PCDHGA7: variants seen among roughly 807,000 people sequenced by gnomAD.
The protein encoded by PCDHGA7 is protocadherin gamma-A7.
PCDHGA7 carries 44 observed loss-of-function variants against 58.3 expected under a neutral mutation model. The ratio of observed to expected loss-of-function variants is 0.75; its 90% CI spans 0.59 to 0.97. The LOEUF is 0.97. Among genes scored for constraint, PCDHGA7 ranks in the 50% least tolerant of loss-of-function variants. The pLI, the probability that PCDHGA7 is intolerant of heterozygous loss-of-function variation, is 0.00. For synonymous variants in PCDHGA7, 516 were observed against 504.2 expected, an observed-to-expected ratio of 1.02 and a Z score of -0.31; for missense variants, 1,266 against 1,188.7, an observed-to-expected ratio of 1.06 and a Z score of -0.96.
chr5:141,436,921 C>T lies in PCDHGA7; in HGVS notation c.2424+51598C>T, dbSNP rs73794904. Among the ~76,000 whole-genome samples the T allele has an allele frequency of 9.3e-3, 1,413 of 152,246 alleles. 25 individuals carry two copies. The highest frequency in any genetic ancestry group is 0.032 in the African/African-American group (1,313 of 41,572). On this transcript the variant is annotated intron_variant, in intron 1 of 3. Coordinates refer to ENST00000518325, the MANE Select transcript of PCDHGA7 (RefSeq NM_018920.4). ...ATATGAGACAATTTTGTGAGTGTTA[C>T]TTTTTCTTTGTCTGAACCATAGTGA...
Position 141,485,605 on chromosome 5 carries a change from G to A in PCDHGA7, c.2425-9202G>A. On this transcript the variant is annotated intron_variant, in intron 1 of 3. Transcript: ENST00000518325. This position sits in a 1 kb window ranked among gnomAD's most constrained non-coding sequence, Gnocchi z 5.7. The stretch of plus-strand genomic sequence containing the variant: ...AGCAGCTGGACTTGGAAATTGGGGA[G>A]GCAGCTCCTCCAGGACAGCGTTTCC... 6.2e-7 allele frequency: 1 copy of A among 1,612,448 alleles called. No homozygotes were observed. Among genetic ancestry groups the A allele is most frequent in the Non-Finnish European group, 8.5e-7 (1 of 1,178,750 alleles).
chr5:141,490,652 C>A lies in PCDHGA7; in HGVS notation c.2425-4155C>A. ...ATCCTAGAAAACCGGCCTCCGGGCT[C>A]CCTTCTTTGCACTGTGGCTGCCTCA... On this transcript the variant is annotated intron_variant, in intron 1 of 3. Transcript: ENST00000518325. The surrounding 1 kb of genome is among the most constrained non-coding windows in gnomAD (Gnocchi z 5.4). 6.2e-7 allele frequency: 1 copy of A among 1,614,208 alleles called. No individual in the cohort carries two copies. Among genetic ancestry groups the A allele is most frequent in the Non-Finnish European group, 8.5e-7 (1 of 1,180,026 alleles).
intron 1 of PCDHGA7, among the ~76,000 whole-genome samples, chr5:141,452,353 AG>A (rs556616398): frequency 5.9e-5 from 9 of 152,206 alleles, no homozygotes; most frequent in Non-Finnish European, 1.3e-4. Context: ...TTTATCCAAA[AG>A]CCTTGCTTCA....
At chr5:141,438,487 G>T (rs1030201971) in intron 1 of PCDHGA7, among the ~76,000 whole-genome samples, 9 of 150,284 alleles carry the variant, frequency 6.0e-5, no homozygotes, top group African/African-American at 2.2e-4. Flanking sequence ...GTCTCTTGGA[G>T]AAAAAAGAAT....
At position 141,383,860 on chromosome 5, in the gene PCDHGA7, G is replaced by T. The variant is rs772168555; in HGVS notation, c.961G>T (p.Ala321Ser). The T allele has an allele frequency of 6.8e-6, 11 of 1,613,926 alleles. No individual in the cohort carries two copies. The highest frequency in any genetic ancestry group is 9.3e-6 in the Non-Finnish European group (11 of 1,179,868). Reference protein sequence around the residue: ...ETAFYEMEVQAQDGPGSLTKA... With the variant: ...ETAFYEMEVQSQDGPGSLTKA... ...TGCCTTCTATGAAATGGAGGTTCAG[G>T]CTCAAGATGGTCCTGGTAGTCTGAC... The change falls in exon 1 of 4, where the codon GCT becomes TCT. Residue 321 changes from alanine (A) to serine (S), a missense_variant. Physicochemically the swap from Ala to Ser is moderately conservative, Grantham distance 99. Transcript: ENST00000518325.
In PCDHGA7 at chr5:141,384,916, G is replaced by T. The variant is rs1215010105; in HGVS notation, c.2017G>T (p.Ala673Ser). The T allele has an allele frequency of 1.2e-6, 2 of 1,613,886 alleles. No individual in the cohort carries two copies. Among genetic ancestry groups the T allele is most frequent in the Non-Finnish European group, 1.7e-6 (2 of 1,180,038 alleles). ...GGCTGACAGCATCCCCGAAGTCTTG[G>T]CCGACCTGGGCAGCCTTGAGCCCTC... ...AVADSIPEVL[A>S]DLGSLEPSDG... Residue 673 changes from alanine to serine, a missense_variant, in exon 1 of 4, where the codon GCC (alanine) becomes TCC (serine). Physicochemically the swap from Ala to Ser is moderately conservative, Grantham distance 99 (BLOSUM62 1). Transcript: ENST00000518325.
rs1779091849 is a variant in PCDHGA7 at position 141,383,385 on chromosome 5, G to T, written c.486G>T (p.Val162=). 2.5e-6 allele frequency: 4 copies of T among 1,613,960 alleles called. No individual in the cohort carries two copies. Among genetic ancestry groups the T allele is most frequent in the Non-Finnish European group, 3.4e-6 (4 of 1,179,890 alleles). ...FPLSEAGDPD[V]GTNSLQSYQL... The stretch of plus-strand genomic sequence containing the variant: ...TAAGCGAGGCTGGGGATCCAGATGT[G>T]GGCACGAACTCCCTCCAGAGTTACC... The change falls in exon 1 of 4, where the codon GTG becomes GTT. Residue 162 remains valine, a synonymous_variant. Transcript: ENST00000518325.
intron 1 of PCDHGA7, among the ~76,000 whole-genome samples, chr5:141,466,704 T>C (rs1175063183): frequency 6.6e-6 from 1 of 152,202 alleles, no homozygotes; most frequent in Admixed American, 6.5e-5. Context: ...AAATTTGATG[T>C]CTGTTCTTGT....
At chr5:141,409,587 C>G (rs13184186) in intron 1 of PCDHGA7, 1 of 1,613,902 alleles carries the variant, frequency 6.2e-7, no homozygotes, top group Non-Finnish European at 8.5e-7. Context: ...GTCCACGTGG[C>G]CGAGAACAAC....
At chr5:141,415,740 G>GTTTTTTT (rs57426385) in intron 1 of PCDHGA7, 164 of 624,990 alleles carry the variant, frequency 2.6e-4, no homozygotes, top group African/African-American at 5.0e-4. Flanking sequence ...GTTTATTAAG[G>GTTTTTTT]TTTTTTTTTT....
chr5:141,405,471 A>C, intron 1 of PCDHGA7: 6 of 1,084,370 alleles, frequency 5.5e-6, no homozygotes, highest in Non-Finnish European at 7.9e-6. Context: ...CCAGGCTGGA[A>C]TGCAGTGGTG....
In PCDHGA7 at chr5:141,382,968, CT is replaced by C. The variant is rs774014579; in HGVS notation, c.70del (p.Trp24GlyfsTer54). 1.6e-5 allele frequency: 26 copies of C among 1,609,208 alleles called. No homozygotes were observed. The highest frequency in any genetic ancestry group is 8.4e-5 in the Admixed American group (5 of 59,818). On this transcript the variant is annotated frameshift_variant, in exon 1 of 4. Coordinates refer to ENST00000518325, the MANE Select transcript of PCDHGA7 (RefSeq NM_018920.4). LOFTEE classifies it high-confidence loss of function. ...TGCTCTCCATCCTCCTGGGGACCCCCTGGGAAGCCTGGGCAGGACGTATTCT... is the reference window on the plus strand; with the variant it reads ...TGCTCTCCATCCTCCTGGGGACCCCCGGGAAGCCTGGGCAGGACGTATTCT... ...FLLSILLGTP[W>X]EAWAGRILYS...
intron 1 of PCDHGA7, chr5:141,395,039 T>A: frequency 6.2e-7 from 1 of 1,614,020 alleles, no homozygotes; most frequent in Non-Finnish European, 8.5e-7. Context: ...ATTTTGTGGG[T>A]GTTGAGGAGG....
chr5:141,400,155 A>C lies in PCDHGA7; in HGVS notation c.2424+14832A>C, dbSNP rs756922498. The C allele has an allele frequency of 5.0e-6, 8 of 1,613,966 alleles. 1 individual carries two copies. The South Asian group carries it at 6.6e-5, about 13-fold the overall frequency. ...TGCCGGATATCACTGACCGCCCTGT[A>C]CCCTCTGACCCCCAGGCTGAGCTGC... On this transcript the variant is annotated intron_variant, in intron 1 of 3. Transcript: ENST00000518325.
At chr5:141,461,501 T>A (rs113852528) in intron 1 of PCDHGA7, among the ~76,000 whole-genome samples, 4 of 152,310 alleles carry the variant, frequency 2.6e-5, no homozygotes, top group South Asian at 2.1e-4. Context: ...TTATTTTTCT[T>A]GGTGATTTGT....
chr5:141,485,116 G>T lies in PCDHGA7; in HGVS notation c.2425-9691G>T, dbSNP rs904145668. ...TGTCTCCAGCTGCTGTGGCTGTTTGGGGCGGGTCGGCTTCATCCGCGTCTC... is the reference window on the plus strand; with the variant it reads ...TGTCTCCAGCTGCTGTGGCTGTTTGTGGCGGGTCGGCTTCATCCGCGTCTC... On this transcript the variant is annotated intron_variant, in intron 1 of 3. Coordinates refer to ENST00000518325, the MANE Select transcript of PCDHGA7 (RefSeq NM_018920.4). This position sits in a 1 kb window ranked among gnomAD's most constrained non-coding sequence, Gnocchi z 5.7. 3.0e-6 allele frequency: 4 copies of T among 1,312,058 alleles called. No homozygotes were observed. The African/African-American group carries it at 5.8e-5, about 19-fold the overall frequency. 81.3% of individuals were successfully genotyped at this position (1,312,058 alleles called of 1,614,324 possible).
At chr5:141,433,097 G>A (rs777101945) in intron 1 of PCDHGA7, 11 of 1,614,044 alleles carry the variant, frequency 6.8e-6, no homozygotes, top group Admixed American at 3.3e-5. Flanking sequence ...AGACATGCTC[G>A]TCAGCCAGGA....
chr5:141,508,479 T>G (rs1361434920), intron 3 of PCDHGA7, among the ~76,000 whole-genome samples: 1 of 152,152 alleles, frequency 6.6e-6, no homozygotes, highest in Non-Finnish European at 1.5e-5. Flanking sequence ...TCTTTTACAT[T>G]CTGGATTTCC....
In PCDHGA7 at chr5:141,487,046, G is replaced by A; in HGVS notation, c.2425-7761G>A. ...CAGCCTGTTTGCAGTCTCTCGATATGCTGGGGAGGTGCGGACGGCTGTTCC... is the reference window on the plus strand; with the variant it reads ...CAGCCTGTTTGCAGTCTCTCGATATACTGGGGAGGTGCGGACGGCTGTTCC... On this transcript the variant is annotated intron_variant, in intron 1 of 3. Coordinates refer to ENST00000518325, the MANE Select transcript of PCDHGA7 (RefSeq NM_018920.4). The surrounding 1 kb of genome is among the most constrained non-coding windows in gnomAD (Gnocchi z 5.0). 6.2e-7 allele frequency: 1 copy of A among 1,614,192 alleles called. No individual in the cohort carries two copies. Among genetic ancestry groups the A allele is most frequent in the Non-Finnish European group, 8.5e-7 (1 of 1,180,040 alleles).
Sources: gnomAD v4.1 joint callset for allele counts (sites outside exome capture counted in the v4.1 genomes callset) on GRCh38, gnomAD v4.1.1 for gene constraint, Gnocchi (gnomAD v3.1) non-coding constraint, MANE v1.5 for transcripts, NCBI Gene and HGNC (gene_info 2026-07-23, HGNC 2026-07-21) for gene names.